Variants in PTPRD observed in about 807,000 individuals in gnomAD.
PTPRD encodes the protein receptor-type tyrosine-protein phosphatase delta.
In PTPRD, 34 loss-of-function variants were observed where a neutral mutation model predicts 214.5. The observed-to-expected ratio is 0.16, with a 90% confidence interval of 0.12 to 0.21. The LOEUF (loss-of-function observed/expected upper bound fraction) is 0.21. Among genes scored for constraint, PTPRD ranks in the 10% least tolerant of loss-of-function variants. The pLI, the probability that PTPRD is intolerant of heterozygous loss-of-function variation, is 1.00. For missense variants in PTPRD, 2,545 were observed against 2,398.7 expected, an observed-to-expected ratio of 1.06 and a Z score of -1.27; for synonymous variants, 1,128 against 845.7, an observed-to-expected ratio of 1.33 and a Z score of -5.79.
intron 5 of PTPRD, among the ~76,000 whole-genome samples, chr9:9,785,602 G>C (rs533433165): frequency 1.3e-5 from 2 of 152,012 alleles, no homozygotes; most frequent in Admixed American, 6.6e-5. Context: ...GAGAGATTTA[G>C]CAATGGTCAC....
chr9:9,971,178 C>T (rs2095077716), intron 4 of PTPRD, among the ~76,000 whole-genome samples: 1 of 151,718 alleles, frequency 6.6e-6, no homozygotes, highest in Admixed American at 6.6e-5. Context: ...TAACAATAAG[C>T]TAATTAAAAA....
At chr9:9,344,737 T>C (rs2048178531) in intron 9 of PTPRD, among the ~76,000 whole-genome samples, 1 of 151,986 alleles carries the variant, frequency 6.6e-6, no homozygotes, top group South Asian at 2.1e-4. Context: ...AAAGGCAAGT[T>C]ACCTGAATAT....
chr9:8,590,922 T>G (rs148351287), intron 14 of PTPRD, among the ~76,000 whole-genome samples: 179 of 152,294 alleles, frequency 1.2e-3, no homozygotes, highest in African/African-American at 4.0e-3. Flanking sequence ...TGGGTTAGAC[T>G]GAGGTGTCAG....
chr9:8,808,256 A>C (rs2096727210), intron 11 of PTPRD, among the ~76,000 whole-genome samples: 1 of 152,178 alleles, frequency 6.6e-6, no homozygotes, highest in Admixed American at 6.5e-5. Context: ...ATGGTGTGAG[A>C]GGTGAACAAC....
chr9:10,581,335 AAAAT>A (rs1271009934), intron 2 of PTPRD, among the ~76,000 whole-genome samples: 1 of 152,214 alleles, frequency 6.6e-6, no homozygotes, highest in African/African-American at 2.4e-5. Flanking sequence ...AATGCAAGAC[AAAAT>A]ATTTTTCTTG....
chr9:9,056,521 C>A (rs2099696559), intron 10 of PTPRD, among the ~76,000 whole-genome samples: 2 of 152,198 alleles, frequency 1.3e-5, no homozygotes, highest in South Asian at 4.1e-4. Flanking sequence ...GAAGTTTATT[C>A]TCCAGTTTCT....
intron 11 of PTPRD, among the ~76,000 whole-genome samples, chr9:8,770,831 A>G (rs968664603): frequency 1.3e-5 from 2 of 152,202 alleles, no homozygotes; most frequent in African/African-American, 4.8e-5. Context: ...AAACTTTAAG[A>G]TGTAATCAGC....
At chr9:9,623,834 C>A (rs1593324262) in intron 7 of PTPRD, among the ~76,000 whole-genome samples, 1 of 152,182 alleles carries the variant, frequency 6.6e-6, no homozygotes, top group East Asian at 1.9e-4. Context: ...TTTCAAGAAA[C>A]AGTGCTTCTT....
chr9:9,364,454 A>T (rs960499000), intron 9 of PTPRD, among the ~76,000 whole-genome samples: 6 of 151,464 alleles, frequency 4.0e-5, no homozygotes, highest in Non-Finnish European at 4.4e-5. Context: ...ATTTTAAAGA[A>T]AGTTGTTGGG....
At chr9:8,337,750 G>C (rs1307880234) in intron 43 of PTPRD, among the ~76,000 whole-genome samples, 1 of 152,042 alleles carries the variant, frequency 6.6e-6, no homozygotes, top group Non-Finnish European at 1.5e-5. Context: ...AATAGGAAAG[G>C]TGTCTCTGCC....
At position 9,584,359 on chromosome 9, in the gene PTPRD, C is replaced by CTTATT. The variant is rs1554649145; in HGVS notation, c.-286-9579_-286-9578insAATAA. Among the ~76,000 whole-genome samples the CTTATT allele has an allele frequency of 2.5e-4, 37 of 149,210 alleles. No homozygotes were observed. In the East Asian group the frequency reaches 4.7e-3, roughly 19 times the overall value. ...ACATTAAAACATTTTATTTCATCAC[C>CTTATT]ATTATTATTATTATTATTATTTGCT... On this transcript the variant is annotated intron_variant, in intron 7 of 45. Coordinates refer to ENST00000381196, the MANE Select transcript of PTPRD (RefSeq NM_002839.4).
At chr9:8,503,026 G>A (rs903202941) in intron 23 of PTPRD, among the ~76,000 whole-genome samples, 15 of 151,896 alleles carry the variant, frequency 9.9e-5, no homozygotes, top group African/African-American at 2.7e-4. Context: ...TACAGAGAAC[G>A]CATTAATTTA....
intron 8 of PTPRD, among the ~76,000 whole-genome samples, chr9:9,414,108 T>C (rs1208712221): frequency 6.6e-6 from 1 of 152,248 alleles, no homozygotes; most frequent in African/African-American, 2.4e-5. Flanking sequence ...TCCTGACATC[T>C]TCTCAAAGGA....
intron 35 of PTPRD, among the ~76,000 whole-genome samples, chr9:8,430,169 A>T (rs1204674974): frequency 6.6e-6 from 1 of 152,192 alleles, no homozygotes; most frequent in Non-Finnish European, 1.5e-5. Context: ...CTATTAGAAA[A>T]CTGTACCTTG....
At chr9:9,395,653 G>T (rs926942413) in intron 9 of PTPRD, among the ~76,000 whole-genome samples, 3 of 151,974 alleles carry the variant, frequency 2.0e-5, no homozygotes, top group Non-Finnish European at 4.4e-5. Flanking sequence ...ATTATTCATG[G>T]TTACTAACCA....
At chr9:9,597,282 A>T (rs575280678) in intron 7 of PTPRD, among the ~76,000 whole-genome samples, 17 of 152,120 alleles carry the variant, frequency 1.1e-4, no homozygotes, top group African/African-American at 4.1e-4. Context: ...AAAGACATAC[A>T]TTTAAACAAA....
chr9:9,762,270 T>C (rs564648662), intron 6 of PTPRD, among the ~76,000 whole-genome samples: 7 of 152,368 alleles, frequency 4.6e-5, no homozygotes, highest in Non-Finnish European at 8.8e-5. Context: ...TTCTTCACTT[T>C]GTCCCATCTT....
intron 7 of PTPRD, among the ~76,000 whole-genome samples, chr9:9,642,353 C>T (rs1436464351): frequency 1.3e-5 from 2 of 150,400 alleles, no homozygotes; most frequent in African/African-American, 4.9e-5. Context: ...CAGCATGGCA[C>T]ATGTATACAT....
At chr9:9,019,330 AAGAAAGAACGAAAG>A (rs1364351642) in intron 10 of PTPRD, among the ~76,000 whole-genome samples, 2 of 36,278 alleles carry the variant, frequency 5.5e-5, no homozygotes, top group Non-Finnish European at 1.3e-4. Flanking sequence ...GAAAGAAAGA[AAGAAAGAACGAAAG>A]AAAGAAAGAA....
Sources: allele counts gnomAD v4.1 joint callset (sites outside exome capture counted in the v4.1 genomes callset), GRCh38; gene constraint gnomAD v4.1.1; transcripts MANE v1.5; gene names NCBI Gene and HGNC (gene_info 2026-07-23, HGNC 2026-07-21).